Variants in BICC1 observed in about 807,000 individuals in gnomAD.
BICC1 encodes protein bicaudal C homolog 1.
A neutral mutation model predicts 111.0 loss-of-function variants in BICC1; 43 were observed. That is an observed-to-expected ratio of 0.39 (90% CI 0.30 to 0.50). The LOEUF is 0.50. Among genes scored for constraint, BICC1 ranks in the 20% least tolerant of loss-of-function variants. BICC1 has a pLI of 0.88. For synonymous variants in BICC1, 467 were observed against 434.4 expected (o/e 1.07, Z -0.93); for missense variants, 1,091 against 1,203.2 (o/e 0.91, Z 1.38).
At chr10:58,675,315 T>A (rs895033703) in intron 2 of BICC1, among the ~76,000 whole-genome samples, 1 of 152,152 alleles carries the variant, frequency 6.6e-6, no homozygotes, top group Non-Finnish European at 1.5e-5. Flanking sequence ...GCATGTGTAT[T>A]GGCTCATATT....
At position 58,561,540 on chromosome 10, in the gene BICC1, C is replaced by A. The variant is rs114848934; in HGVS notation, c.190+48207C>A. Among the ~76,000 whole-genome samples, 1,170 of 151,994 alleles carry A rather than the reference C, an allele frequency of 7.7e-3. 14 individuals carry two copies. Among genetic ancestry groups the A allele is most frequent in the African/African-American group, 0.027 (1,109 of 41,502 alleles). ...ATATCTTTTATTGGAGAATTGAAACCAACCATTTATATTCAGGATTACTAT... is the reference window on the plus strand; with the variant it reads ...ATATCTTTTATTGGAGAATTGAAACAAACCATTTATATTCAGGATTACTAT... On this transcript the variant is annotated intron_variant, in intron 1 of 20. Transcript: ENST00000373886.
At chr10:58,794,659 A>C (rs893468668) in intron 9 of BICC1, among the ~76,000 whole-genome samples, 3 of 152,092 alleles carry the variant, frequency 2.0e-5, no homozygotes, top group Non-Finnish European at 4.4e-5. Flanking sequence ...CGCTCAAGCA[A>C]TCCACCCACC....
chr10:58,620,936 T>A, intron 2 of BICC1, 35 bp downstream of exon 2: 1 of 1,586,862 alleles, frequency 6.3e-7, no homozygotes, highest in Non-Finnish European at 8.6e-7. Context: ...TGGTGATAAG[T>A]AAGAGGAAAT....
At chr10:58,518,355 T>A (rs984274879) in intron 1 of BICC1, among the ~76,000 whole-genome samples, 1 of 151,976 alleles carries the variant, frequency 6.6e-6, no homozygotes, top group Non-Finnish European at 1.5e-5. Flanking sequence ...ACCTGTAAAA[T>A]GGGGATAATA....
At position 58,537,053 on chromosome 10, in the gene BICC1, TAAAC is replaced by T. The variant is rs546712068; in HGVS notation, c.190+23733_190+23736del. On this transcript the variant is annotated intron_variant, in intron 1 of 20. Transcript: ENST00000373886. ...TAACAGGCTGTCAGATTGAATCAGG[TAAAC>T]AAACAAACAAACCAAAAAAACAAAC... Among the ~76,000 whole-genome samples the T allele has an allele frequency of 2.2e-3, 327 of 149,244 alleles. 1 individual carries two copies. Among genetic ancestry groups the T allele is most frequent in the African/African-American group, 7.2e-3 (297 of 41,070 alleles).
Position 58,829,141 on chromosome 10 carries a change from T to C in BICC1, c.*250T>C, listed in dbSNP as rs1844484700. On this transcript the variant is annotated 3_prime_UTR_variant, in exon 21 of 21. Transcript: ENST00000373886. ...TTGGACAGAATTTGCAATATAAGGA[T>C]AGGGCTTTATTTCCTGTTTTTATTT... 6.1e-6 allele frequency: 2 copies of C among 328,456 alleles called. No individual in the cohort carries two copies. Among genetic ancestry groups the C allele is most frequent in the Non-Finnish European group, 1.1e-5 (2 of 182,304 alleles). The allele number at this position is 328,456 out of a possible 1,614,324, so 20.3% of individuals were successfully genotyped here. A position where few individuals can be genotyped will look rare whatever the true frequency, so the allele number is the denominator to read the frequency against.
At chr10:58,658,711 G>C (rs919427211) in intron 2 of BICC1, among the ~76,000 whole-genome samples, 12 of 152,090 alleles carry the variant, frequency 7.9e-5, no homozygotes, top group African/African-American at 4.8e-5. Context: ...TGCCCAAATT[G>C]TTCCAAATTT....
intron 1 of BICC1, among the ~76,000 whole-genome samples, chr10:58,542,583 G>A (rs1191563144): frequency 2.6e-5 from 4 of 152,038 alleles, no homozygotes; most frequent in Admixed American, 6.6e-5. Flanking sequence ...GGCAGTCTAC[G>A]TAATGGGAGA....
chr10:58,620,787 G>C, intron 1 of BICC1, 68 bp from the exon 2 acceptor site: 1 of 1,475,404 alleles, frequency 6.8e-7, no homozygotes, highest in Non-Finnish European at 9.4e-7. Context: ...TCTCATATCT[G>C]ATGCTCGAAA....
intron 2 of BICC1, among the ~76,000 whole-genome samples, chr10:58,658,724 C>G (rs552892268): frequency 6.6e-6 from 1 of 152,182 alleles, no homozygotes; most frequent in Non-Finnish European, 1.5e-5. Context: ...CCAAATTTGG[C>G]CAGTAGGAGA....
intron 3 of BICC1, among the ~76,000 whole-genome samples, chr10:58,720,286 A>G (rs9787514): frequency 0.29 from 43,812 of 152,082 alleles, 7,075 homozygotes; most frequent in African/African-American, 0.44. Flanking sequence ...TGAAAGCTCA[A>G]TTTATTTACT....
intron 2 of BICC1, among the ~76,000 whole-genome samples, chr10:58,640,373 G>A (rs1306919775): frequency 2.6e-5 from 4 of 152,338 alleles, no homozygotes; most frequent in African/African-American, 9.6e-5. Context: ...GGGCTGTCAT[G>A]AAATGCAATA....
intron 3 of BICC1, among the ~76,000 whole-genome samples, chr10:58,759,730 C>T (rs1220876523): frequency 5.9e-5 from 9 of 151,956 alleles, no homozygotes; most frequent in East Asian, 3.9e-4. Context: ...GAGGCCGAGG[C>T]GGGTGGATCA....
intron 3 of BICC1, among the ~76,000 whole-genome samples, chr10:58,734,291 A>C (rs1841404479): frequency 6.6e-6 from 1 of 152,224 alleles, no homozygotes. Flanking sequence ...ATTATGATAA[A>C]AATGTTCATT....
intron 9 of BICC1, among the ~76,000 whole-genome samples, chr10:58,794,165 T>TTGTGTGTGTGTGTGTGTG (rs71006206): frequency 7.2e-6 from 1 of 138,228 alleles, no homozygotes; most frequent in African/African-American, 2.7e-5. Context: ...CTTACATGTT[T>TTGTGTGTGTGTGTGTGTG]TGTGTGTGTG....
At position 58,830,023 on chromosome 10, in the gene BICC1, C is replaced by G. The variant is rs139396664; in HGVS notation, c.*1132C>G. ...TTATCATGTACACGTTAGCTATGTT[C>G]CGTATGGCCACAGGACTTTCCTGAA... On this transcript the variant is annotated 3_prime_UTR_variant, in exon 21 of 21. Coordinates refer to ENST00000373886, the MANE Select transcript of BICC1 (RefSeq NM_001080512.3). 6.6e-6 allele frequency: 1 copy of G among 151,960 alleles called. No individual in the cohort carries two copies. The highest frequency in any genetic ancestry group is 2.4e-5 in the African/African-American group (1 of 41,390). The allele number at this position is 151,960 out of a possible 1,614,324, so 9.4% of individuals were successfully genotyped here.
intron 3 of BICC1, among the ~76,000 whole-genome samples, chr10:58,772,288 T>A (rs567382617): frequency 1.7e-4 from 26 of 151,868 alleles, no homozygotes; most frequent in South Asian, 4.2e-4. Context: ...GATTTTTTTT[T>A]AAAAAAAGAG....
rs189301368 is a variant in BICC1 at position 58,656,024 on chromosome 10, C to T, written c.237+35123C>T. ...AAAATGATAAAGGGGATATCACCAC[C>T]GATCCCACAGAAATACAGACTACCC... On this transcript the variant is annotated intron_variant, in intron 2 of 20. Transcript: ENST00000373886. Among the ~76,000 whole-genome samples the T allele has an allele frequency of 7.4e-3, 1,129 of 152,092 alleles. 14 individuals are homozygous for T. The highest frequency in any genetic ancestry group is 0.026 in the African/African-American group (1,072 of 41,482).
chr10:58,738,533 C>G (rs1841549879), intron 3 of BICC1, among the ~76,000 whole-genome samples: 1 of 152,074 alleles, frequency 6.6e-6, no homozygotes, highest in Non-Finnish European at 1.5e-5. Context: ...ATGCCTCCAG[C>G]TTTGTTCTTT....
Sources: gnomAD v4.1 joint callset for allele counts (sites outside exome capture counted in the v4.1 genomes callset) on GRCh38, gnomAD v4.1.1 for gene constraint, MANE v1.5 for transcripts, NCBI Gene and HGNC (gene_info 2026-07-23, HGNC 2026-07-21) for gene names.